MAF: variants seen among roughly 807,000 people sequenced by gnomAD.
MAF encodes transcription factor Maf.
Under a neutral mutation model 22.0 loss-of-function variants are expected in MAF, and 10 were observed. The ratio of observed to expected loss-of-function variants is 0.45; its 90% CI spans 0.28 to 0.77. The LOEUF (loss-of-function observed/expected upper bound fraction) is 0.77. MAF is among the 30% of genes least tolerant of loss of function. The probability of loss-of-function intolerance (pLI) is 0.12; values close to 1 mark genes in which losing one functional copy is unlikely to be tolerated. For synonymous variants in MAF, 337 were observed against 255.8 expected (o/e 1.32, Z -3.03); for missense variants, 544 against 548.4 (o/e 0.99, Z 0.08).
rs1376128722 is a variant in MAF, at chr16:79,599,286, G to A, written c.617C>T (p.Ala206Val). 5.6e-5 allele frequency: 55 copies of A among 979,230 alleles called. No homozygotes were observed. The highest frequency in any genetic ancestry group is 1.3e-4 in the Admixed American group (2 of 15,696). The allele number at this position is 979,230 out of a possible 1,614,324, so 60.7% of individuals were successfully genotyped here. A position where few individuals can be genotyped will look rare whatever the true frequency, so the allele number is the denominator to read the frequency against. Reference protein sequence around the residue: ...TAGAPGAAGSAAASAGGAGGA... With the variant: ...TAGAPGAAGSVAASAGGAGGA... Reference sequence around the variant, plus strand: ...CCCAGCGCCACCGGCCGAGGCGGCCGCGCTGCCCGCGGCGCCGGGCGCGCC... The same window carrying A: ...CCCAGCGCCACCGGCCGAGGCGGCCACGCTGCCCGCGGCGCCGGGCGCGCC... Residue 206 changes from alanine (A) to valine (V), a missense_variant, in exon 1 of 2, where the codon GCG (alanine) becomes GTG (valine). Ala to Val is a moderately conservative substitution (Grantham distance 64, BLOSUM62 0). This residue lies in a region of MAF where 342 missense variants were observed against 315.5 expected (regional missense o/e 1.08). Transcript: ENST00000326043.
the MAF span, among the ~76,000 whole-genome samples, chr16:79,556,325 C>T: frequency 6.6e-6 from 1 of 152,164 alleles, no homozygotes; most frequent in African/African-American, 2.4e-5. Context: ...GATTCCTACC[C>T]AGCTTTTACC....
At chr16:79,530,362 A>C in the MAF span, among the ~76,000 whole-genome samples, 2 of 152,310 alleles carry the variant, frequency 1.3e-5, no homozygotes, top group Admixed American at 1.3e-4. Context: ...CAGGGTCCCA[A>C]AGTGCCTACT....
the MAF span, among the ~76,000 whole-genome samples, chr16:79,542,621 G>A: frequency 6.6e-6 from 1 of 152,198 alleles, no homozygotes; most frequent in African/African-American, 2.4e-5. Flanking sequence ...GGCCAGATCT[G>A]ATGACCTTAG....
At chr16:79,439,257 C>CTTTTT in the MAF span, among the ~76,000 whole-genome samples, 21 of 130,796 alleles carry the variant, frequency 1.6e-4, 4 homozygotes, top group Admixed American at 2.4e-4. Context: ...TAGGTACTTA[C>CTTTTT]TTTTTTTTTT....
chr16:79,299,786 C>G, the MAF span, among the ~76,000 whole-genome samples: 3 of 152,374 alleles, frequency 2.0e-5, no homozygotes, highest in African/African-American at 7.2e-5. Flanking sequence ...TGGCCACAGT[C>G]TCTCTCTTCC....
At chr16:79,547,775 G>C in the MAF span, among the ~76,000 whole-genome samples, 1 of 152,080 alleles carries the variant, frequency 6.6e-6, no homozygotes, top group Admixed American at 6.6e-5. Flanking sequence ...ATGAAAATAA[G>C]TCCAATACTG....
the MAF span, among the ~76,000 whole-genome samples, chr16:79,362,381 A>C: frequency 1.3e-5 from 2 of 151,892 alleles, no homozygotes; most frequent in South Asian, 2.1e-4. Flanking sequence ...AGTTACCCCC[A>C]CTTTTCAGAG....
At chr16:79,295,559 G>T in the MAF span, among the ~76,000 whole-genome samples, 1 of 152,250 alleles carries the variant, frequency 6.6e-6, no homozygotes, top group Admixed American at 6.5e-5. Flanking sequence ...ACTTGTTATA[G>T]TTCATGATGC....
the MAF span, among the ~76,000 whole-genome samples, chr16:79,263,067 G>C: frequency 6.6e-6 from 1 of 152,156 alleles, no homozygotes; most frequent in Non-Finnish European, 1.5e-5. Context: ...GTGTGGCCCA[G>C]TGTTAATGCA....
the MAF span, among the ~76,000 whole-genome samples, chr16:79,389,518 T>A: frequency 6.6e-6 from 1 of 152,152 alleles, no homozygotes; most frequent in Non-Finnish European, 1.5e-5. Context: ...TGCCTCTGCC[T>A]CCCAAAGTTT....
the MAF span, among the ~76,000 whole-genome samples, chr16:79,296,377 G>A: frequency 6.6e-6 from 1 of 152,132 alleles, no homozygotes; most frequent in African/African-American, 2.4e-5. Context: ...CGGGGGGCAG[G>A]GTGTAGGGAG....
chr16:79,446,172 G>C, the MAF span, among the ~76,000 whole-genome samples: 1 of 152,182 alleles, frequency 6.6e-6, no homozygotes, highest in Admixed American at 6.5e-5. Flanking sequence ...AAGGGGATAT[G>C]TCTCTCTAGG....
chr16:79,368,383 T>C, the MAF span, among the ~76,000 whole-genome samples: 1 of 152,156 alleles, frequency 6.6e-6, no homozygotes, highest in African/African-American at 2.4e-5. Context: ...GGAAAAGATC[T>C]GAGGCCTTTT....
At chr16:79,246,398 C>T in the MAF span, among the ~76,000 whole-genome samples, 1 of 151,984 alleles carries the variant, frequency 6.6e-6, no homozygotes, top group African/African-American at 2.4e-5. Context: ...CCAAAGTCAC[C>T]ATCTGGCTAT....
the MAF span, among the ~76,000 whole-genome samples, chr16:79,253,386 G>A: frequency 1.2e-4 from 18 of 152,150 alleles, no homozygotes; most frequent in African/African-American, 3.6e-4. Flanking sequence ...CCAGAGATAT[G>A]AGCAAGGTTC....
chr16:79,417,819 A>T, the MAF span, among the ~76,000 whole-genome samples: 5 of 152,122 alleles, frequency 3.3e-5, no homozygotes, highest in African/African-American at 1.2e-4. Flanking sequence ...TTGAGGCCAG[A>T]TAAGACGCTG....
chr16:79,338,417 T>C, the MAF span, among the ~76,000 whole-genome samples: 1 of 152,198 alleles, frequency 6.6e-6, no homozygotes, highest in African/African-American at 2.4e-5. Flanking sequence ...GAAATGTCTC[T>C]TTTCTATCAT....
At chr16:79,212,225 A>C in the MAF span, 1 of 1,398,264 alleles carries the variant, frequency 7.2e-7, no homozygotes, top group Admixed American at 2.8e-5. Flanking sequence ...GCAAGTGTTC[A>C]CTGCTCCTTG....
Position 79,599,782 on chromosome 16 carries a change from G to C in MAF, c.121C>G (p.Arg41Gly). 2 of 1,613,038 alleles carry C rather than the reference G, an allele frequency of 1.2e-6. No homozygotes were observed. Among genetic ancestry groups the C allele is most frequent in the Middle Eastern group, 1.7e-4 (1 of 5,980 alleles). ...EVKKEPVETDRIISQCGRLIA... is the reference protein window; with the variant it reads ...EVKKEPVETDGIISQCGRLIA... ...AGACGGCCGCACTGGCTGATGATGC[G>C]GTCGGTCTCCACCGGTTCCTTTTTC... The change falls in exon 1 of 2, where the codon CGC becomes GGC. Residue 41 changes from arginine to glycine, a missense_variant. By Grantham distance (125) the Arg-to-Gly change is moderately radical (BLOSUM62 -2). Around this residue, in one of 5 missense-constraint regions of MAF, gnomAD observed 63 missense variants for 72.7 expected, o/e 0.87. Coordinates refer to ENST00000326043, the MANE Select transcript of MAF (RefSeq NM_005360.5).
Sources: gnomAD v4.1 joint callset for allele counts (sites outside exome capture counted in the v4.1 genomes callset) on GRCh38, gnomAD v4.1.1 for gene constraint, gnomAD v4.1.1 regional missense constraint, MANE v1.5 for transcripts, NCBI Gene and HGNC (gene_info 2026-07-23, HGNC 2026-07-21) for gene names.